DIP2C: variants seen among roughly 807,000 people sequenced by gnomAD.
The protein encoded by DIP2C is disco-interacting protein 2 homolog C.
DIP2C carries 33 observed loss-of-function variants against 192.4 expected under a neutral mutation model. That is an observed-to-expected ratio of 0.17 (90% CI 0.13 to 0.23). The LOEUF (loss-of-function observed/expected upper bound fraction) is 0.23. Ranked by LOEUF, DIP2C falls within the 10% of genes least tolerant of loss-of-function variation. The pLI, the probability that DIP2C is intolerant of heterozygous loss-of-function variation, is 1.00. For missense variants in DIP2C, 1,537 were observed against 2,110.1 expected, an observed-to-expected ratio of 0.73 and a Z score of 5.32; for synonymous variants, 979 against 864.1, an observed-to-expected ratio of 1.13 and a Z score of -2.33.
intron 1 of DIP2C, among the ~76,000 whole-genome samples, chr10:565,326 C>T (rs1588472019): frequency 7.2e-6 from 1 of 138,476 alleles, no homozygotes; most frequent in African/African-American, 3.1e-5. Flanking sequence ...CATGTGACTC[C>T]TAAAAATATG....
chr10:359,712 C>T (rs1314610521), intron 22 of DIP2C, among the ~76,000 whole-genome samples: 1 of 152,222 alleles, frequency 6.6e-6, no homozygotes, highest in African/African-American at 2.4e-5. Context: ...CAGAACACAA[C>T]ACCCGGGAGA....
At chr10:545,166 C>CTTT (rs60185327) in intron 1 of DIP2C, among the ~76,000 whole-genome samples, 2,971 of 86,144 alleles carry the variant, frequency 0.034, 67 homozygotes, top group Middle Eastern at 0.076. Context: ...GGTGTTTTCC[C>CTTT]TTTTTTTTTT....
intron 1 of DIP2C, among the ~76,000 whole-genome samples, chr10:581,320 G>A (rs1243764920): frequency 6.6e-6 from 1 of 152,212 alleles, no homozygotes; most frequent in Non-Finnish European, 1.5e-5. Context: ...GAGATGGCAA[G>A]TATGATGGTC....
At chr10:297,603 T>C (rs1292413229) in intron 32 of DIP2C, among the ~76,000 whole-genome samples, 2 of 152,124 alleles carry the variant, frequency 1.3e-5, no homozygotes, top group Non-Finnish European at 2.9e-5. Flanking sequence ...TTCTCACTCA[T>C]ATGTGGAAGC....
chr10:421,158 C>T (rs1313026328), intron 5 of DIP2C, among the ~76,000 whole-genome samples: 1 of 152,102 alleles, frequency 6.6e-6, no homozygotes, highest in Non-Finnish European at 1.5e-5. Context: ...TATCTTTGTG[C>T]CTAATTAGAA....
intron 1 of DIP2C, among the ~76,000 whole-genome samples, chr10:577,090 A>G (rs994904944): frequency 6.6e-6 from 1 of 152,218 alleles, no homozygotes; most frequent in African/African-American, 2.4e-5. Context: ...ACACACCTCA[A>G]GTGTGACTAA....
chr10:586,343 G>A (rs1459053948), intron 1 of DIP2C, among the ~76,000 whole-genome samples: 1 of 152,172 alleles, frequency 6.6e-6, no homozygotes, highest in Admixed American at 6.5e-5. Flanking sequence ...CATGAAACCA[G>A]GATTACAGCC....
At chr10:504,051 G>A (rs560385997) in intron 1 of DIP2C, among the ~76,000 whole-genome samples, 6 of 152,204 alleles carry the variant, frequency 3.9e-5, no homozygotes, top group Non-Finnish European at 7.3e-5. Flanking sequence ...TCTGTAACCT[G>A]AGAGGATTTC....
chr10:368,825 A>G (rs1354215490), intron 18 of DIP2C, among the ~76,000 whole-genome samples: 2 of 152,226 alleles, frequency 1.3e-5, no homozygotes, highest in African/African-American at 4.8e-5. Flanking sequence ...AGCTGAGAAA[A>G]GAGACGGGTT....
chr10:444,331 T>C (rs764507188), intron 3 of DIP2C, among the ~76,000 whole-genome samples: 13 of 117,236 alleles, frequency 1.1e-4, no homozygotes, highest in African/African-American at 2.1e-4. Flanking sequence ...CTCGTGTAGA[T>C]TCTCCACCGT....
intron 1 of DIP2C, among the ~76,000 whole-genome samples, chr10:658,868 C>T (rs921175968): frequency 6.6e-6 from 1 of 152,156 alleles, no homozygotes; most frequent in Non-Finnish European, 1.5e-5. Context: ...GAGAGGACAG[C>T]GGAGGATCCC....
chr10:368,783 G>A (rs1043626421), intron 18 of DIP2C, among the ~76,000 whole-genome samples: 1 of 152,254 alleles, frequency 6.6e-6, no homozygotes, highest in Admixed American at 6.5e-5. Context: ...TGCCTGGAGG[G>A]CTCAGCAGGA....
intron 31 of DIP2C, chr10:325,066 C>T (rs72653040): frequency 0.019 from 8,360 of 445,368 alleles, 221 homozygotes; most frequent in African/African-American, 0.079. Context: ...GAGATCAAAA[C>T]CATGCTGGCT....
At chr10:349,012 C>T (rs1035371576) in intron 25 of DIP2C, among the ~76,000 whole-genome samples, 4 of 152,212 alleles carry the variant, frequency 2.6e-5, no homozygotes, top group African/African-American at 9.6e-5. Flanking sequence ...AGGAATTACC[C>T]ACCTTTGTAA....
intron 31 of DIP2C, among the ~76,000 whole-genome samples, chr10:318,737 C>T (rs1193549217): frequency 6.6e-6 from 1 of 152,170 alleles, no homozygotes; most frequent in African/African-American, 2.4e-5. Context: ...CTGACGGTGG[C>T]TCATTCCCTG....
chr10:357,699 G>A (rs1027537440), intron 23 of DIP2C, 129 bp downstream of exon 23: 1 of 677,362 alleles, frequency 1.5e-6, no homozygotes. Flanking sequence ...GTTGCGGACA[G>A]TCAGACACTG....
intron 1 of DIP2C, among the ~76,000 whole-genome samples, chr10:570,541 G>A (rs1018939922): frequency 1.3e-5 from 2 of 152,156 alleles, no homozygotes; most frequent in African/African-American, 4.8e-5. Context: ...CTTCCATCCA[G>A]CCAGACATCA....
intron 9 of DIP2C, among the ~76,000 whole-genome samples, chr10:407,179 G>A (rs999091285): frequency 4.6e-5 from 7 of 152,168 alleles, no homozygotes; most frequent in East Asian, 1.9e-4. Context: ...GCCAGGCAGC[G>A]GGCAAGGTGA....
chr10:495,599 TAC>T (rs1844772324), intron 1 of DIP2C, among the ~76,000 whole-genome samples: 1 of 151,662 alleles, frequency 6.6e-6, no homozygotes, highest in African/African-American at 2.4e-5. Flanking sequence ...CATGCTGAAG[TAC>T]AGTCACCCTT....
Sources: allele counts gnomAD v4.1 joint callset (sites outside exome capture counted in the v4.1 genomes callset), GRCh38; gene constraint gnomAD v4.1.1; transcripts MANE v1.5; gene names NCBI Gene and HGNC (gene_info 2026-07-23, HGNC 2026-07-21).